Variants in MAF observed in about 807,000 individuals in gnomAD.
MAF encodes MAF bZIP transcription factor.
A neutral mutation model predicts 22.0 loss-of-function variants in MAF; 10 were observed. The observed-to-expected ratio is 0.45, with a 90% confidence interval of 0.28 to 0.77. MAF has a LOEUF of 0.77. MAF is among the 30% of genes least tolerant of loss of function. MAF has a pLI of 0.12. For synonymous variants in MAF, 337 were observed against 255.8 expected (o/e 1.32, Z -3.03); for missense variants, 544 against 548.4 (o/e 0.99, Z 0.08).
the MAF span, among the ~76,000 whole-genome samples, chr16:79,442,249 G>C: frequency 6.6e-6 from 1 of 152,242 alleles, no homozygotes; most frequent in East Asian, 1.9e-4. Context: ...AGAGGACCAA[G>C]ATATCGGTGA....
chr16:79,313,467 C>T, the MAF span, among the ~76,000 whole-genome samples: 10 of 152,148 alleles, frequency 6.6e-5, no homozygotes, highest in African/African-American at 2.2e-4. Flanking sequence ...ACTGTAAATA[C>T]AGTAAAGCAG....
chr16:79,544,664 C>T, the MAF span, among the ~76,000 whole-genome samples: 1 of 150,932 alleles, frequency 6.6e-6, no homozygotes, highest in Non-Finnish European at 1.5e-5. Flanking sequence ...GTCCCAGCTA[C>T]TCGGGAGGCT....
chr16:79,427,209 A>C, the MAF span, among the ~76,000 whole-genome samples: 3 of 152,254 alleles, frequency 2.0e-5, no homozygotes, highest in Non-Finnish European at 4.4e-5. Context: ...AGGAGTAGGC[A>C]AATGGAAGAG....
downstream of MAF, among the ~76,000 whole-genome samples, chr16:79,581,766 C>T (rs1181080339): frequency 2.0e-5 from 3 of 152,180 alleles, no homozygotes; most frequent in African/African-American, 7.2e-5. Context: ...CTGTCAGGCT[C>T]ACCGTACTGA....
the MAF span, among the ~76,000 whole-genome samples, chr16:79,328,827 T>A: frequency 6.6e-6 from 1 of 152,214 alleles, no homozygotes; most frequent in Non-Finnish European, 1.5e-5. Context: ...TCAGATTGAA[T>A]GCCAGGAAGC....
chr16:79,325,690 T>C, the MAF span, among the ~76,000 whole-genome samples: 1 of 151,876 alleles, frequency 6.6e-6, no homozygotes, highest in Admixed American at 6.6e-5. Context: ...AAGCAAGATA[T>C]AAATGCACTG....
the MAF span, among the ~76,000 whole-genome samples, chr16:79,512,560 G>A: frequency 6.6e-6 from 1 of 152,142 alleles, no homozygotes; most frequent in Non-Finnish European, 1.5e-5. Flanking sequence ...CATCTGAGCT[G>A]ACTCTCTTCT....
the MAF span, among the ~76,000 whole-genome samples, chr16:79,363,969 T>C: frequency 6.6e-6 from 1 of 152,170 alleles, no homozygotes; most frequent in Admixed American, 6.5e-5. Flanking sequence ...ACCTCTTCTG[T>C]GCAGTTCCCT....
At chr16:79,300,233 A>T in the MAF span, among the ~76,000 whole-genome samples, 1 of 152,190 alleles carries the variant, frequency 6.6e-6, no homozygotes, top group East Asian at 1.9e-4. Flanking sequence ...ATTGACTGCT[A>T]TTTGTGTGTT....
At chr16:79,498,279 G>A in the MAF span, among the ~76,000 whole-genome samples, 1 of 152,206 alleles carries the variant, frequency 6.6e-6, no homozygotes, top group Non-Finnish European at 1.5e-5. Context: ...TCTCGGCTCT[G>A]GTCGTTGTAG....
At chr16:79,585,294 C>G (rs967522726), downstream of MAF, among the ~76,000 whole-genome samples, 2 of 152,162 alleles carry the variant, frequency 1.3e-5, no homozygotes, top group African/African-American at 4.8e-5. Flanking sequence ...TCCTCCTTCC[C>G]CTTCTTCCTT....
chr16:79,428,073 CAG>C, the MAF span, among the ~76,000 whole-genome samples: 7 of 121,968 alleles, frequency 5.7e-5, no homozygotes, highest in African/African-American at 2.2e-4. Context: ...GCCCAGGCGA[CAG>C]AGTGAGACAC....
the MAF span, among the ~76,000 whole-genome samples, chr16:79,476,242 G>A: frequency 6.6e-6 from 1 of 152,132 alleles, no homozygotes; most frequent in African/African-American, 2.4e-5. Context: ...GCAACCTTGT[G>A]AGTCCCTGGC....
At chr16:79,450,130 T>C in the MAF span, among the ~76,000 whole-genome samples, 1 of 152,226 alleles carries the variant, frequency 6.6e-6, no homozygotes, top group African/African-American at 2.4e-5. Context: ...TCAGCTCTCC[T>C]AAAATCATCG....
chr16:79,212,553 AGTTAATCCCTT>A, the MAF span: 1 of 168,306 alleles, frequency 5.9e-6, no homozygotes, highest in Non-Finnish European at 1.3e-5. Context: ...ATAAAACGTT[AGTTAATCCCTT>A]TGTCTGTCAA....
chr16:79,594,682 A>G, intron 1 of MAF, 129 bp from the exon 2 acceptor site: 1 of 1,494,760 alleles, frequency 6.7e-7, no homozygotes, highest in Middle Eastern at 2.2e-4. Flanking sequence ...AATGAATGGC[A>G]CTTACTCAGG....
At chr16:79,478,773 C>A in the MAF span, among the ~76,000 whole-genome samples, 1 of 152,062 alleles carries the variant, frequency 6.6e-6, no homozygotes, top group Non-Finnish European at 1.5e-5. Flanking sequence ...GGGCACCACC[C>A]CAGCATACCC....
At chr16:79,372,163 G>T in the MAF span, among the ~76,000 whole-genome samples, 1 of 150,170 alleles carries the variant, frequency 6.7e-6, no homozygotes, top group African/African-American at 2.5e-5. Flanking sequence ...CTGGGTTCCA[G>T]ATGGTTTTTT....
chr16:79,340,473 T>C, the MAF span, among the ~76,000 whole-genome samples: 2 of 151,156 alleles, frequency 1.3e-5, no homozygotes, highest in South Asian at 4.2e-4. Context: ...GAGAACAAAG[T>C]AGTCAAGGCC....
Sources: allele counts gnomAD v4.1 joint callset (sites outside exome capture counted in the v4.1 genomes callset), GRCh38; gene constraint gnomAD v4.1.1; transcripts MANE v1.5; gene names NCBI Gene and HGNC (gene_info 2026-07-23, HGNC 2026-07-21).